SMPDL3A: variants seen among roughly 807,000 people sequenced by gnomAD.
SMPDL3A encodes sphingomyelin phosphodiesterase acid like 3A.
In SMPDL3A, 39 loss-of-function variants were observed where a neutral mutation model predicts 38.5. That is an observed-to-expected ratio of 1.01 (90% CI 0.78 to 1.32). The LOEUF is 1.32. Among genes scored for constraint, SMPDL3A ranks in the 40% most tolerant of loss-of-function variants. The pLI is 0.00. For synonymous variants in SMPDL3A, 180 were observed against 194.3 expected (o/e 0.93, Z 0.61); for missense variants, 502 against 536.2 (o/e 0.94, Z 0.63).
intron 1 of SMPDL3A, among the ~76,000 whole-genome samples, chr6:122,792,638 C>CCT (rs1554246009): frequency 7.1e-6 from 1 of 140,794 alleles, no homozygotes; most frequent in African/African-American, 2.6e-5. Context: ...TCTTCTTCCC[C>CCT]TTTTTTTTTT....
intron 1 of SMPDL3A, among the ~76,000 whole-genome samples, chr6:122,794,453 T>C (rs1478323813): frequency 6.6e-6 from 1 of 151,944 alleles, no homozygotes; most frequent in Admixed American, 6.6e-5. Flanking sequence ...AAAAATTAGC[T>C]GGGTGTGGTG....
chr6:122,793,638 T>A (rs1158343513), intron 1 of SMPDL3A, among the ~76,000 whole-genome samples: 1 of 152,218 alleles, frequency 6.6e-6, no homozygotes, highest in Non-Finnish European at 1.5e-5. Flanking sequence ...AAATAGTGAC[T>A]AAGTGCCAAG....
At position 122,806,236 on chromosome 6, in the gene SMPDL3A, G is replaced by T; in HGVS notation, c.923G>T (p.Ser308Ile). ...SIMVLSDKKG[S>I]PVNSLFVAPA... ...TATGTGCATACGTTTTGTTCAGGAA[G>T]TCCAGTAAATTCTTTGTTTGTGGCT... Residue 308 changes from serine (S) to isoleucine (I), a missense_variant, in exon 7 of 8, where the codon AGT (serine) becomes ATT (isoleucine). Transcript: ENST00000368440. 1 of 1,611,794 alleles carries T rather than the reference G, an allele frequency of 6.2e-7. No individual in the cohort carries two copies. Among genetic ancestry groups the T allele is most frequent in the Non-Finnish European group, 8.5e-7 (1 of 1,178,708 alleles).
At chr6:122,808,573 G>A (rs1466288108) in intron 7 of SMPDL3A, among the ~76,000 whole-genome samples, 1 of 149,642 alleles carries the variant, frequency 6.7e-6, no homozygotes. Context: ...AGTGATACAG[G>A]TTTTTTATTG....
At chr6:122,804,849 TTAGTTATGA>T in intron 5 of SMPDL3A, 51 bp from the exon 6 acceptor site, 1 of 1,425,042 alleles carries the variant, frequency 7.0e-7, no homozygotes, top group South Asian at 1.3e-5. Context: ...CAAATGTCAT[TTAGTTATGA>T]TGAATGTGCA....
intron 3 of SMPDL3A, among the ~76,000 whole-genome samples, chr6:122,800,219 A>G (rs1249814484): frequency 1.3e-5 from 2 of 152,066 alleles, no homozygotes; most frequent in Non-Finnish European, 2.9e-5. Context: ...AGCTTATGTC[A>G]TCCTGAAGAT....
rs555085279 is a variant in SMPDL3A at position 122,802,012 on chromosome 6, T to C, written c.568+606T>C. ...TCAGAATGTTGAGACAAATATTAAG[T>C]TAATGGCTAGACTTCTCTCAGTTAA... On this transcript the variant is annotated intron_variant, in intron 4 of 7. Transcript: ENST00000368440. 2.6e-3 allele frequency among the ~76,000 whole-genome samples: 391 copies of C among 152,334 alleles called. 3 individuals carry two copies. The highest frequency in any genetic ancestry group is 4.9e-3 in the Admixed American group (75 of 15,300).
intron 1 of SMPDL3A, among the ~76,000 whole-genome samples, chr6:122,793,936 T>G (rs1161097931): frequency 6.6e-6 from 1 of 152,120 alleles, no homozygotes; most frequent in African/African-American, 2.4e-5. Context: ...GTGTTTCTAG[T>G]CATAATCAGA....
intron 3 of SMPDL3A, among the ~76,000 whole-genome samples, chr6:122,801,011 A>G (rs1307809134): frequency 6.6e-6 from 1 of 152,178 alleles, no homozygotes; most frequent in Non-Finnish European, 1.5e-5. Context: ...TTGGCCTCCC[A>G]AAGTGCTGGG....
intron 3 of SMPDL3A, among the ~76,000 whole-genome samples, chr6:122,799,872 G>T (rs1285800478): frequency 6.6e-6 from 1 of 151,318 alleles, no homozygotes; most frequent in Non-Finnish European, 1.5e-5. Flanking sequence ...TGAAGAAGGG[G>T]TTTCAGTCAT....
intron 7 of SMPDL3A, among the ~76,000 whole-genome samples, chr6:122,807,464 A>C (rs1419458130): frequency 6.6e-6 from 1 of 152,156 alleles, no homozygotes; most frequent in Non-Finnish European, 1.5e-5. Context: ...GCGCCACTGC[A>C]CTCCAGCCTG....
chr6:122,809,500 G>T lies in SMPDL3A; in HGVS notation c.*92G>T. On this transcript the variant is annotated 3_prime_UTR_variant, in exon 8 of 8. Transcript: ENST00000368440. ...CATAAATCTTTGTTAATTACTGAGT[G>T]GGCAAGTAGACTTCCTGTCTTTGCT... is the stretch of plus-strand genomic sequence containing the variant. 1 of 902,210 alleles carries T rather than the reference G, an allele frequency of 1.1e-6. No homozygotes were observed. Among genetic ancestry groups the T allele is most frequent in the South Asian group, 1.8e-5 (1 of 55,980 alleles). The allele number at this position is 902,210 out of a possible 1,614,324, so 55.9% of individuals were successfully genotyped here.
chr6:122,798,001 A>T (rs1781306796), intron 3 of SMPDL3A, among the ~76,000 whole-genome samples: 1 of 152,104 alleles, frequency 6.6e-6, no homozygotes, highest in South Asian at 2.1e-4. Context: ...GCCTTGCCTG[A>T]TTAACATACT....
At position 122,809,544 on chromosome 6, in the gene SMPDL3A, T is replaced by G; in HGVS notation, c.*136T>G. 3.2e-6 allele frequency: 2 copies of G among 630,022 alleles called. No individual in the cohort carries two copies. Among genetic ancestry groups the G allele is most frequent in the South Asian group, 4.2e-5 (2 of 47,740 alleles). 39.0% of individuals were successfully genotyped at this position (630,022 alleles called of 1,614,324 possible). A position where few individuals can be genotyped will look rare whatever the true frequency, so the allele number is the denominator to read the frequency against. ...CTTTGCTTTCTTTTTTTTTTTCTTT[T>G]TGATGCCTTAATGTAGATATCTTTA... On this transcript the variant is annotated 3_prime_UTR_variant, in exon 8 of 8. Coordinates refer to ENST00000368440, the MANE Select transcript of SMPDL3A (RefSeq NM_006714.5).
Position 122,795,731 on chromosome 6 carries a change from A to C in SMPDL3A, c.167A>C (p.Asp56Ala), listed in dbSNP as rs768781062. 50 of 1,614,082 alleles carry C rather than the reference A, an allele frequency of 3.1e-5. No individual in the cohort carries two copies. The highest frequency in any genetic ancestry group is 3.9e-5 in the Non-Finnish European group (46 of 1,180,030). ...TTAGACCCTACTTACCACATCACAG[A>C]TGACCACACAAAAGTGTGTGCTTCA... ...LHLDPTYHITDDHTKVCASSK... is the reference protein window; with the variant it reads ...LHLDPTYHITADHTKVCASSK... Residue 56 changes from aspartate (D) to alanine (A), a missense_variant, in exon 2 of 8, where the codon GAT becomes GCT. Transcript: ENST00000368440.
Position 122,795,800 on chromosome 6 carries a change from T to G in SMPDL3A, c.236T>G (p.Val79Gly). Residue 79 changes from valine (V) to glycine (G), a missense_variant, in exon 2 of 8, where the codon GTT becomes GGT. Val to Gly is a moderately radical substitution (Grantham distance 109). Coordinates refer to ENST00000368440, the MANE Select transcript of SMPDL3A (RefSeq NM_006714.5). Reference protein sequence around the residue: ...NASNPGPFGDVLCDSPYQLIL... With the variant: ...NASNPGPFGDGLCDSPYQLIL... The stretch of plus-strand genomic sequence containing the variant: ...TCCAACCCTGGCCCTTTTGGAGATG[T>G]TCTGTGTGATTCTCCATATCAACTT... 6.2e-7 allele frequency: 1 copy of G among 1,614,110 alleles called. No homozygotes were observed. The highest frequency in any genetic ancestry group is 2.2e-5 in the East Asian group (1 of 44,862).
intron 7 of SMPDL3A, among the ~76,000 whole-genome samples, chr6:122,808,657 CCTCCCTCCCT>C (rs1467780690): frequency 2.9e-4 from 24 of 81,494 alleles, no homozygotes; most frequent in Middle Eastern, 7.2e-3. Context: ...CCTCCTCCCC[CCTCCCTCCCT>C]CTCCTTCTTT....
At chr6:122,799,789 G>A (rs1781366237) in intron 3 of SMPDL3A, among the ~76,000 whole-genome samples, 1 of 152,050 alleles carries the variant, frequency 6.6e-6, no homozygotes. Flanking sequence ...GCATCTTCTT[G>A]AAAAATAACT....
chr6:122,808,469 G>C (rs959079428), intron 7 of SMPDL3A, among the ~76,000 whole-genome samples: 2 of 152,144 alleles, frequency 1.3e-5, no homozygotes, highest in African/African-American at 4.8e-5. Context: ...TACCTCTGAG[G>C]ATGTGTGAAT....
Sources: gnomAD v4.1 joint callset for allele counts (sites outside exome capture counted in the v4.1 genomes callset) on GRCh38, gnomAD v4.1.1 for gene constraint, MANE v1.5 for transcripts, NCBI Gene and HGNC (gene_info 2026-07-23, HGNC 2026-07-21) for gene names.